The following MMEL1 variants were observed in gnomAD, a reference collection of about 807,000 sequenced individuals.
MMEL1 encodes membrane metalloendopeptidase like 1.
A neutral mutation model predicts 117.1 loss-of-function variants in MMEL1; 98 were observed. The observed-to-expected ratio is 0.84, with a 90% CI of 0.71 to 0.99. MMEL1 has a LOEUF of 0.99. Ranked by LOEUF, MMEL1 falls within the 50% of genes least tolerant of loss-of-function variation. The pLI, the probability that MMEL1 is intolerant of heterozygous loss-of-function variation, is 0.00. For synonymous variants in MMEL1, 390 were observed against 415.1 expected, an observed-to-expected ratio of 0.94 and a Z score of 0.74; for missense variants, 1,014 against 1,049.1, an observed-to-expected ratio of 0.97 and a Z score of 0.46.
chr1:2,628,011 CAGA>C (rs931896819), intron 2 of MMEL1, among the ~76,000 whole-genome samples: 2 of 152,358 alleles, frequency 1.3e-5, no homozygotes, highest in African/African-American at 2.4e-5. Flanking sequence ...TGGCACGACC[CAGA>C]AGAAGAGAGG....
At chr1:2,606,416 G>C (rs767601770) in intron 7 of MMEL1, 50 bp from the exon 8 acceptor site, 1 of 1,444,366 alleles carries the variant, frequency 6.9e-7, no homozygotes, top group Non-Finnish European at 9.6e-7. Flanking sequence ...TGGGGCCCCA[G>C]CCCGGCCCCT....
At chr1:2,596,836 C>T in intron 13 of MMEL1, 147 bp from the exon 14 acceptor site, 1 of 869,680 alleles carries the variant, frequency 1.1e-6, no homozygotes, top group Non-Finnish European at 1.7e-6. Flanking sequence ...ATGATCTCAG[C>T]CTCACCTCTG....
intron 20 of MMEL1, 24 bp downstream of exon 20, chr1:2,592,809 C>T: frequency 1.2e-6 from 2 of 1,613,054 alleles, no homozygotes; most frequent in Non-Finnish European, 1.7e-6. Flanking sequence ...CCCCCGCAGC[C>T]TGGGTGCTGG....
chr1:2,630,805 C>T (rs1312536411), intron 1 of MMEL1, among the ~76,000 whole-genome samples: 1 of 144,686 alleles, frequency 6.9e-6, no homozygotes, highest in Non-Finnish European at 1.5e-5. Context: ...CACGTGTGTC[C>T]TCTCGTGTGT....
At chr1:2,607,900 G>A (rs923792494) in intron 6 of MMEL1, among the ~76,000 whole-genome samples, 7 of 152,114 alleles carry the variant, frequency 4.6e-5, no homozygotes, top group Admixed American at 3.3e-4. Flanking sequence ...GTTAGGGGCC[G>A]GATGCCGTGG....
rs546724582 is a variant in MMEL1, at chr1:2,592,866, G to A, written c.1968C>T (p.Gly656=). The part of the protein sequence containing the change: ...EQSECMIYQY[G]NYSWDLADEQ... ...CGTCTGCCAGGTCCCAGGAGTAGTT[G>A]CCGTACTGGTAGATCATGCACTCTG... Residue 656 remains glycine (G), a synonymous_variant, in exon 20 of 24, where the codon GGC becomes GGT. Coordinates refer to ENST00000378412, the MANE Select transcript of MMEL1 (RefSeq NM_033467.4). 6.2e-7 allele frequency: 1 copy of A among 1,613,780 alleles called. No homozygotes were observed. Among genetic ancestry groups the A allele is most frequent in the South Asian group, 1.1e-5 (1 of 91,072 alleles).
intron 5 of MMEL1, 40 bp downstream of exon 5, chr1:2,609,630 T>C (rs1645094565): frequency 6.3e-7 from 1 of 1,584,180 alleles, no homozygotes; most frequent in East Asian, 2.2e-5. Context: ...GCTGTCCTGT[T>C]CGGCGTCACC....
Position 2,595,412 on chromosome 1 carries a change from G to GC in MMEL1, c.1501-54dup, listed in dbSNP as rs1644818825. 12 of 1,532,534 alleles carry GC rather than the reference G, an allele frequency of 7.8e-6. No homozygotes were observed. The East Asian group carries it at 2.2e-4, about 29-fold the overall frequency. The allele number at this position is 1,532,534 out of a possible 1,614,324, so 94.9% of individuals were successfully genotyped here. ...GGGTGCCCCACTGCGGATGGAGTCA[G>GC]CCCGGGGGCCGGTCAGTGAGTGCCA... On this transcript the variant is annotated intron_variant, in intron 15 of 23. Transcript: ENST00000378412. This position sits in a 1 kb window ranked among gnomAD's most constrained non-coding sequence, Gnocchi z 4.8.
intron 14 of MMEL1, 132 bp from the exon 15 acceptor site, chr1:2,596,239 A>G (rs2260976): frequency 0.63 from 528,741 of 839,040 alleles, 170,294 homozygotes; most frequent in Non-Finnish European, 0.68. Flanking sequence ...TGGGCCTCTC[A>G]GGTGAGGTGT....
At position 2,596,666 on chromosome 1, in the gene MMEL1, C is replaced by T. The variant is rs1644846689; in HGVS notation, c.1296G>A (p.Glu432=). The change falls in exon 14 of 24, where the codon GAG becomes GAA. Residue 432 remains glutamate, a synonymous_variant. Transcript: ENST00000378412. ...YRKALFGTMV[E]EVRWRECVGY... is the part of the protein sequence containing the mutation. ...CCACACATTCACGCCAGCGCACCTCCTCCACCATTGTGCCAAACAGCGCCT... is the reference window on the plus strand; with the variant it reads ...CCACACATTCACGCCAGCGCACCTCTTCCACCATTGTGCCAAACAGCGCCT... 2 of 1,612,994 alleles carry T rather than the reference C, an allele frequency of 1.2e-6. No individual in the cohort carries two copies. Among genetic ancestry groups the T allele is most frequent in the South Asian group, 1.1e-5 (1 of 91,090 alleles).
chr1:2,623,479 G>A (rs542478991), intron 2 of MMEL1, among the ~76,000 whole-genome samples: 48 of 152,240 alleles, frequency 3.2e-4, no homozygotes, highest in African/African-American at 9.6e-4. Flanking sequence ...AACAATTTCC[G>A]AGTGATAAGG....
intron 2 of MMEL1, among the ~76,000 whole-genome samples, chr1:2,628,446 C>T (rs1638373830): frequency 6.6e-6 from 1 of 152,220 alleles, no homozygotes; most frequent in African/African-American, 2.4e-5. Flanking sequence ...ATTGTTGGAC[C>T]TGGGGTGCGA....
rs1238828896 is a variant in MMEL1 at position 2,594,309 on chromosome 1, G to A, written c.1747+76C>T. 68 of 1,444,202 alleles carry A rather than the reference G, an allele frequency of 4.7e-5. No homozygotes were observed. The South Asian group carries it at 7.6e-4, about 16-fold the overall frequency. The allele number at this position is 1,444,202 out of a possible 1,614,324, so 89.5% of individuals were successfully genotyped here. On this transcript the variant is annotated intron_variant, in intron 18 of 23. Coordinates refer to ENST00000378412, the MANE Select transcript of MMEL1 (RefSeq NM_033467.4). ...TGGGGTGCCCCCAGGAGGAAGGGAT[G>A]GGCAGGGGGCTGCAAGCCACCCCTT...
At chr1:2,596,878 T>C (rs1644851416) in intron 13 of MMEL1, among the ~76,000 whole-genome samples, 189 bp from the exon 14 acceptor site, 1 of 151,864 alleles carries the variant, frequency 6.6e-6, no homozygotes, top group Non-Finnish European at 1.5e-5. Flanking sequence ...AGGATGGGCA[T>C]GGTATTGTGA....
chr1:2,617,426 CAAAAAAAAA>C (rs35881431), intron 2 of MMEL1, among the ~76,000 whole-genome samples: 1 of 56,150 alleles, frequency 1.8e-5, no homozygotes, highest in African/African-American at 7.7e-5. Context: ...GACTCCGTCT[CAAAAAAAAA>C]AAAAAAAAAA....
At chr1:2,629,603 G>C in intron 1 of MMEL1, 82 bp from the exon 2 acceptor site, 1 of 1,270,646 alleles carries the variant, frequency 7.9e-7, no homozygotes, top group Non-Finnish European at 1.0e-6. Flanking sequence ...CCGGATGCTG[G>C]CTGGGAGCGG....
intron 14 of MMEL1, 75 bp from the exon 15 acceptor site, chr1:2,596,182 G>T (rs998175209): frequency 7.2e-6 from 10 of 1,386,122 alleles, no homozygotes; most frequent in Non-Finnish European, 8.1e-6. Context: ...GCTTTGGGGA[G>T]GTCTGGTCTG....
At chr1:2,629,244 G>A (rs1333755761) in intron 2 of MMEL1, 87 bp downstream of exon 2, 2 of 1,388,900 alleles carry the variant, frequency 1.4e-6, no homozygotes, top group African/African-American at 3.0e-5. Context: ...GCTCGGGCTG[G>A]GGGCAGGCGG....
In MMEL1 at chr1:2,596,040, T is replaced by A. The variant is rs1355928301; in HGVS notation, c.1469A>T (p.Asp490Val). The change falls in exon 15 of 24, where the codon GAC (aspartate) becomes GTC (valine). Residue 490 changes from aspartate (D) to valine (V), a missense_variant. Transcript: ENST00000378412. ...VETLDELGWM[D>V]EESKKKAQEK... Reference sequence around the variant, plus strand: ...CTGCGCCTTCTTCTTGGACTCCTCGTCCATCCAGCCCAGCTCGTCCAGCGT... The same window carrying A: ...CTGCGCCTTCTTCTTGGACTCCTCGACCATCCAGCCCAGCTCGTCCAGCGT... The A allele has an allele frequency of 5.0e-6, 8 of 1,614,012 alleles. No homozygotes were observed. In the East Asian group the frequency reaches 1.8e-4, roughly 36 times the overall value.
Sources: gnomAD v4.1 joint callset for allele counts (sites outside exome capture counted in the v4.1 genomes callset) on GRCh38, gnomAD v4.1.1 for gene constraint, Gnocchi (gnomAD v3.1) non-coding constraint, MANE v1.5 for transcripts, NCBI Gene and HGNC (gene_info 2026-07-23, HGNC 2026-07-21) for gene names.